LIMS4: variants seen among roughly 807,000 people sequenced by gnomAD.
The protein encoded by LIMS4 is LIM and senescent cell antigen-like-containing domain protein 4.
chr2:110,371,864 AG>A, the LIMS4 span, among the ~76,000 whole-genome samples: 2 of 147,642 alleles, frequency 1.4e-5, no homozygotes, highest in African/African-American at 5.3e-5. Flanking sequence ...GGAGCACCAA[AG>A]CCCAGGCTGG....
At chr2:110,433,563 T>A in the LIMS4 span, 6 of 146,862 alleles carry the variant, frequency 4.1e-5, no homozygotes, top group African/African-American at 1.5e-4. Flanking sequence ...ACAGTGTGAG[T>A]CTCCACATGG....
chr2:110,448,586 TG>T (rs1288413186), intron 8 of LIMS4, among the ~76,000 whole-genome samples: 1 of 152,238 alleles, frequency 6.6e-6, no homozygotes, highest in African/African-American at 2.4e-5. Flanking sequence ...TGACCTCAGT[TG>T]ATCTGCCTGC....
the LIMS4 span, among the ~76,000 whole-genome samples, chr2:110,367,741 C>T: frequency 4.8e-4 from 70 of 146,476 alleles, 6 homozygotes; most frequent in African/African-American, 1.7e-3. Context: ...ATTAGCTGGG[C>T]GTGGTGGCAC....
At chr2:110,360,663 C>A in the LIMS4 span, 16 of 1,556,750 alleles carry the variant, frequency 1.0e-5, 1 homozygote, top group East Asian at 2.3e-4. Context: ...CATGTGTCTG[C>A]ATGTGAGTTT....
chr2:110,392,282 C>CA, the LIMS4 span, among the ~76,000 whole-genome samples: 59 of 150,762 alleles, frequency 3.9e-4, 1 homozygote, highest in African/African-American at 1.4e-3. Flanking sequence ...ACTAAAAATA[C>CA]AAAAAAATTA....
At chr2:110,411,109 T>C in the LIMS4 span, among the ~76,000 whole-genome samples, 1 of 34,392 alleles carries the variant, frequency 2.9e-5, no homozygotes, top group East Asian at 9.0e-4. Context: ...TTTCACCATG[T>C]TGGCCAGGCT....
chr2:110,386,664 TG>T, the LIMS4 span: 2 of 701,570 alleles, frequency 2.9e-6, no homozygotes, highest in Non-Finnish European at 4.8e-6. Flanking sequence ...CCAGTGACAG[TG>T]GTGCCTCCTG....
chr2:110,397,316 T>C, the LIMS4 span: 2 of 144,106 alleles, frequency 1.4e-5, no homozygotes, highest in Admixed American at 6.9e-5. Flanking sequence ...GTAGCTAATT[T>C]ACTATTATGA....
At chr2:110,425,339 C>G in the LIMS4 span, among the ~76,000 whole-genome samples, 38 of 141,612 alleles carry the variant, frequency 2.7e-4, 3 homozygotes, top group Admixed American at 2.4e-3. Context: ...GTGATTGCAC[C>G]ACTGTAATCC....
chr2:110,418,655 T>C, the LIMS4 span, among the ~76,000 whole-genome samples: 5 of 115,368 alleles, frequency 4.3e-5, no homozygotes, highest in Non-Finnish European at 6.7e-5. Flanking sequence ...CCTTTCTTTT[T>C]TTTTTTTTTT....
the LIMS4 span, among the ~76,000 whole-genome samples, chr2:110,390,952 G>A: frequency 7.9e-5 from 12 of 152,306 alleles, no homozygotes; most frequent in Non-Finnish European, 1.6e-4. Flanking sequence ...CCACTTCATG[G>A]TGGGGGGATC....
At chr2:110,386,787 G>A in the LIMS4 span, 4 of 700,394 alleles carry the variant, frequency 5.7e-6, no homozygotes, top group South Asian at 3.0e-5. Context: ...CACAGCGGCA[G>A]CACCATAGTG....
At chr2:110,372,679 T>C in the LIMS4 span, among the ~76,000 whole-genome samples, 1 of 148,932 alleles carries the variant, frequency 6.7e-6, no homozygotes, top group Non-Finnish European at 1.5e-5. Context: ...CTGATTTTTG[T>C]ATTTTTAGTA....
chr2:110,424,809 TCTTA>T, the LIMS4 span, among the ~76,000 whole-genome samples: 4 of 143,288 alleles, frequency 2.8e-5, no homozygotes, highest in Admixed American at 2.1e-4. Flanking sequence ...AACTTTTCTG[TCTTA>T]CAAGAAAATT....
the LIMS4 span, among the ~76,000 whole-genome samples, chr2:110,391,989 C>A: frequency 2.0e-5 from 3 of 150,990 alleles, no homozygotes; most frequent in South Asian, 4.1e-4. Context: ...GCCTGAGAAG[C>A]ATTTGGGGTC....
At chr2:110,386,504 G>C in the LIMS4 span, 2 of 508,886 alleles carry the variant, frequency 3.9e-6, no homozygotes, top group South Asian at 4.7e-5. Context: ...CCCCGGACAG[G>C]CAGATCTCAC....
At chr2:110,359,636 T>C in the LIMS4 span, among the ~76,000 whole-genome samples, 12,708 of 20,886 alleles carry the variant, frequency 0.61, 5,362 homozygotes, top group Middle Eastern at 1. Context: ...CTTTTGACAG[T>C]AAAGGATTAA....
At chr2:110,361,206 G>C in the LIMS4 span, 2 of 832,784 alleles carry the variant, frequency 2.4e-6, no homozygotes, top group African/African-American at 3.5e-5. Flanking sequence ...AACATCAACT[G>C]TTTGGTAAAG....
the LIMS4 span, among the ~76,000 whole-genome samples, chr2:110,370,992 C>T: frequency 8.0e-6 from 1 of 125,058 alleles, no homozygotes. Context: ...CACTAAGCCA[C>T]GAGCTCATCT....
Sources: gnomAD v4.1 joint callset for allele counts (sites outside exome capture counted in the v4.1 genomes callset) on GRCh38, gnomAD v4.1.1 for gene constraint, MANE v1.5 for transcripts, NCBI Gene and HGNC (gene_info 2026-07-23, HGNC 2026-07-21) for gene names.